DLGAP5: variants seen among roughly 807,000 people sequenced by gnomAD.
DLGAP5 encodes the protein disks large-associated protein 5.
Under a neutral mutation model 99.6 loss-of-function variants are expected in DLGAP5, and 90 were observed. The observed-to-expected ratio is 0.90, with a 90% CI of 0.76 to 1.08. The LOEUF (loss-of-function observed/expected upper bound fraction) is 1.08, where lower values mean the gene tolerates loss of function less well. Among genes scored for constraint, DLGAP5 ranks in the 50% least tolerant of loss-of-function variants. DLGAP5 has a pLI of 0.00. For synonymous variants in DLGAP5, 311 were observed against 321.3 expected, an observed-to-expected ratio of 0.97 and a Z score of 0.34; for missense variants, 1,036 against 983.5, an observed-to-expected ratio of 1.05 and a Z score of -0.71.
In DLGAP5 at chr14:55,191,558, A is replaced by T. The variant is rs566609172; in HGVS notation, c.-97T>A. On this transcript the variant is annotated 5_prime_UTR_variant, in exon 1 of 19. Transcript: ENST00000247191. ...CCGACTCCGAAGCAGGAACCCTCAC[A>T]ACCCGAGCCTCCACGAAATTCAAAC... The T allele has an allele frequency of 1.3e-5, 2 of 152,582 alleles. No individual in the cohort carries two copies. Among genetic ancestry groups the T allele is most frequent in the Non-Finnish European group, 2.9e-5 (2 of 68,054 alleles). 9.5% of individuals were successfully genotyped at this position (152,582 alleles called of 1,614,324 possible).
chr14:55,172,340 CA>C (rs879341861), intron 10 of DLGAP5, among the ~76,000 whole-genome samples: 8,644 of 98,132 alleles, frequency 0.088, 290 homozygotes, highest in South Asian at 0.13. Context: ...AAAAAAAATA[CA>C]AAAAAAAAAA....
At chr14:55,184,264 C>T (rs1883364769) in intron 2 of DLGAP5, among the ~76,000 whole-genome samples, 7 of 152,142 alleles carry the variant, frequency 4.6e-5, no homozygotes. Flanking sequence ...TCAAGTTCAG[C>T]TTGAGTAACA....
At chr14:55,165,578 A>T (rs1017052774) in intron 12 of DLGAP5, among the ~76,000 whole-genome samples, 2 of 152,012 alleles carry the variant, frequency 1.3e-5, no homozygotes, top group Non-Finnish European at 2.9e-5. Context: ...CCTCATACCC[A>T]CTAGGATGGC....
rs184618900 is a variant in DLGAP5, at chr14:55,155,768, G to C, written c.1874-962C>G. Among the ~76,000 whole-genome samples, 5 of 152,094 alleles carry C rather than the reference G, an allele frequency of 3.3e-5. No homozygotes were observed. The East Asian group carries it at 9.7e-4, about 30-fold the overall frequency. Reference sequence around the variant, plus strand: ...GTTGAGTGGGACTTAGCAGACTCAAGAAAACTAATTCTAAGCCACCAATCA... The same window carrying C: ...GTTGAGTGGGACTTAGCAGACTCAACAAAACTAATTCTAAGCCACCAATCA... On this transcript the variant is annotated intron_variant, in intron 14 of 18. Coordinates refer to ENST00000247191, the MANE Select transcript of DLGAP5 (RefSeq NM_014750.5).
At position 55,148,287 on chromosome 14, in the gene DLGAP5, A is replaced by C; in HGVS notation, c.*64T>G. On this transcript the variant is annotated 3_prime_UTR_variant, in exon 19 of 19. Transcript: ENST00000247191. ...ACAAATACATTTTCTCCAAAATTTC[A>C]ATAGTCTAAGGAATATATAAGCATT... The C allele has an allele frequency of 6.6e-7, 1 of 1,520,328 alleles. No homozygotes were observed. The highest frequency in any genetic ancestry group is 9.0e-7 in the Non-Finnish European group (1 of 1,115,652). The allele number at this position is 1,520,328 out of a possible 1,614,324, so 94.2% of individuals were successfully genotyped here. A position where few individuals can be genotyped will look rare whatever the true frequency, so the allele number is the denominator to read the frequency against.
Position 55,152,763 on chromosome 14 carries a change from G to A in DLGAP5, c.2064-116C>T, listed in dbSNP as rs956629820. ...GTTTAGGGAATGGATCAAACATGGA[G>A]CCTGGTGCAAGATCAGGCGTGATCC... On this transcript the variant is annotated intron_variant, in intron 15 of 18. Transcript: ENST00000247191. 3 of 825,126 alleles carry A rather than the reference G, an allele frequency of 3.6e-6. No individual in the cohort carries two copies. The African/African-American group carries it at 5.3e-5, about 14-fold the overall frequency. The allele number at this position is 825,126 out of a possible 1,614,324, so 51.1% of individuals were successfully genotyped here.
At chr14:55,156,625 CT>C (rs1484816822) in intron 14 of DLGAP5, among the ~76,000 whole-genome samples, 3 of 152,156 alleles carry the variant, frequency 2.0e-5, no homozygotes, top group Non-Finnish European at 4.4e-5. Flanking sequence ...TTCCAGTCAG[CT>C]TTTTAGTGCC....
intron 10 of DLGAP5, among the ~76,000 whole-genome samples, chr14:55,174,423 T>C (rs1479779480): frequency 6.6e-6 from 1 of 152,216 alleles, no homozygotes; most frequent in Non-Finnish European, 1.5e-5. Flanking sequence ...TGTGATATTC[T>C]ATTACCTTGT....
intron 14 of DLGAP5, 92 bp from the exon 15 acceptor site, chr14:55,154,898 C>T: frequency 9.1e-7 from 1 of 1,099,528 alleles, no homozygotes; most frequent in Non-Finnish European, 1.3e-6. Flanking sequence ...CAATTAGCCT[C>T]TTTCTCCTGT....
Position 55,172,712 on chromosome 14 carries a change from G to A in DLGAP5, c.1302-1925C>T, listed in dbSNP as rs557618287. Reference sequence around the variant, plus strand: ...AATAAGGAGGCAGAGGGTCGGGCACGGTGGCTCTCGCCTGTAATACCAGCA... The same window carrying A: ...AATAAGGAGGCAGAGGGTCGGGCACAGTGGCTCTCGCCTGTAATACCAGCA... On this transcript the variant is annotated intron_variant, in intron 10 of 18. Coordinates refer to ENST00000247191, the MANE Select transcript of DLGAP5 (RefSeq NM_014750.5). 1.4e-4 allele frequency among the ~76,000 whole-genome samples: 21 copies of A among 152,152 alleles called. 1 individual carries two copies. In the South Asian group the frequency reaches 2.3e-3, roughly 17 times the overall value.
At chr14:55,176,582 T>G (rs1204789822) in intron 8 of DLGAP5, among the ~76,000 whole-genome samples, 2 of 149,116 alleles carry the variant, frequency 1.3e-5, no homozygotes, top group Non-Finnish European at 2.9e-5. Flanking sequence ...GTCAATTACA[T>G]TATTGTACCT....
chr14:55,183,326 G>C (rs1883332303), intron 3 of DLGAP5, among the ~76,000 whole-genome samples: 1 of 152,086 alleles, frequency 6.6e-6, no homozygotes, highest in Non-Finnish European at 1.5e-5. Flanking sequence ...CAAATCCTTT[G>C]CATAACATTG....
chr14:55,154,721 C>T lies in DLGAP5; in HGVS notation c.1959G>A (p.Glu653=), dbSNP rs1441586878. The T allele has an allele frequency of 6.2e-6, 10 of 1,614,040 alleles. No homozygotes were observed. The highest frequency in any genetic ancestry group is 8.5e-6 in the Non-Finnish European group (10 of 1,180,024). The change falls in exon 15 of 19, where the codon GAG becomes GAA. Residue 653 remains glutamate (E), a synonymous_variant. Coordinates refer to ENST00000247191, the MANE Select transcript of DLGAP5 (RefSeq NM_014750.5). The part of the protein sequence containing the change: ...VNKAVSQSRN[E]MGIPQQTTSP... ...ATGTAGTTTGTTGTGGAATGCCCAT[C>T]TCATTTCTACTCTGAGATACAGCTT...
At position 55,159,043 on chromosome 14, in the gene DLGAP5, A is replaced by ACCC. The variant is rs34645298; in HGVS notation, c.1654-305_1654-303dup. On this transcript the variant is annotated intron_variant, in intron 13 of 18. Transcript: ENST00000247191. ...ACATCCTTTAGATTATAACCATGAC[A>ACCC]CCCCCCCCCCATAAAAAAGAAAAAG... 6.8e-3 allele frequency among the ~76,000 whole-genome samples: 925 copies of ACCC among 135,832 alleles called. 11 individuals are homozygous for ACCC. Among genetic ancestry groups the ACCC allele is most frequent in the African/African-American group, 0.024 (881 of 36,156 alleles). 89.1% of individuals were successfully genotyped at this position (135,832 alleles called of 152,430 possible).
intron 1 of DLGAP5, among the ~76,000 whole-genome samples, chr14:55,190,304 ACACACACACACG>A (rs1883568784): frequency 6.6e-6 from 1 of 151,914 alleles, no homozygotes; most frequent in Admixed American, 6.6e-5. Context: ...ACACACACAC[ACACACACACACG>A]CACAAAATCA....
chr14:55,169,677 A>G, intron 11 of DLGAP5, 118 bp from the exon 12 acceptor site: 2 of 794,848 alleles, frequency 2.5e-6, no homozygotes, highest in Non-Finnish European at 3.7e-6. Flanking sequence ...GTTAAGCAAA[A>G]CAAAAAATAT....
intron 15 of DLGAP5, among the ~76,000 whole-genome samples, chr14:55,153,880 A>G (rs1334258538): frequency 6.6e-6 from 1 of 151,964 alleles, no homozygotes; most frequent in Non-Finnish European, 1.5e-5. Flanking sequence ...ACATAGTGAA[A>G]CCCCGTCTCT....
chr14:55,183,722 T>C lies in DLGAP5; in HGVS notation c.270A>G (p.Arg90=), dbSNP rs2139530263. ...CTTTGTATTTTTGGAGCATCTGTTT[T>C]CGTTGATCACCTAGAATAGTTTTCA... The part of the protein sequence containing the change: ...RAMKTILGDQ[R]KQMLQKYKEE... Residue 90 remains arginine, a synonymous_variant, in exon 3 of 19, where the codon CGA becomes CGG. Coordinates refer to ENST00000247191, the MANE Select transcript of DLGAP5 (RefSeq NM_014750.5). 12 of 1,605,498 alleles carry C rather than the reference T, an allele frequency of 7.5e-6. No individual in the cohort carries two copies. The highest frequency in any genetic ancestry group is 1.0e-5 in the Non-Finnish European group (12 of 1,176,358).
intron 14 of DLGAP5, among the ~76,000 whole-genome samples, chr14:55,156,243 C>T (rs1366413354): frequency 6.6e-6 from 1 of 152,138 alleles, no homozygotes; most frequent in Non-Finnish European, 1.5e-5. Flanking sequence ...ACAAGAAGAG[C>T]TCAGATTCCT....
Sources: allele counts gnomAD v4.1 joint callset (sites outside exome capture counted in the v4.1 genomes callset), GRCh38; gene constraint gnomAD v4.1.1; transcripts MANE v1.5; gene names NCBI Gene and HGNC (gene_info 2026-07-23, HGNC 2026-07-21).